LRRC7: variants seen among roughly 807,000 people sequenced by gnomAD.
LRRC7 encodes the protein leucine-rich repeat-containing protein 7.
In LRRC7, 23 loss-of-function variants were observed where a neutral mutation model predicts 175.7. The observed-to-expected ratio is 0.13, with a 90% CI of 0.09 to 0.19. The LOEUF is 0.19. LRRC7 is among the 10% of genes least tolerant of loss of function. The pLI, the probability that LRRC7 is intolerant of heterozygous loss-of-function variation, is 1.00. For missense variants in LRRC7, 1,354 were observed against 1,904.7 expected (o/e 0.71, Z 5.38); for synonymous variants, 685 against 680.9 (o/e 1.01, Z -0.09).
intron 1 of LRRC7, among the ~76,000 whole-genome samples, chr1:69,677,208 C>CTA (rs1215370150): frequency 7.1e-5 from 10 of 141,624 alleles, no homozygotes; most frequent in Non-Finnish European, 1.5e-4. Context: ...TACCCCACAT[C>CTA]TATATATATA....
At chr1:69,934,043 G>A (rs1647680734) in intron 8 of LRRC7, among the ~76,000 whole-genome samples, 1 of 152,092 alleles carries the variant, frequency 6.6e-6, no homozygotes, top group Admixed American at 6.6e-5. Flanking sequence ...ATCATAGTTT[G>A]ACTATTACTA....
intron 25 of LRRC7, among the ~76,000 whole-genome samples, chr1:70,101,718 A>G (rs535403002): frequency 3.5e-4 from 54 of 152,308 alleles, no homozygotes; most frequent in African/African-American, 1.3e-3. Flanking sequence ...TACTTCTGGA[A>G]TAATCACTTA....
At chr1:69,742,817 G>A (rs1056410047) in intron 2 of LRRC7, among the ~76,000 whole-genome samples, 1 of 151,862 alleles carries the variant, frequency 6.6e-6, no homozygotes, top group Non-Finnish European at 1.5e-5. Context: ...GAGCATAATT[G>A]TAATGTATAA....
chr1:69,813,013 A>G (rs897331220), intron 4 of LRRC7, among the ~76,000 whole-genome samples: 2 of 152,090 alleles, frequency 1.3e-5, no homozygotes, highest in African/African-American at 4.8e-5. Context: ...TTGAGTGTCA[A>G]TTGATGAATC....
chr1:69,862,880 G>A (rs1290140957), intron 7 of LRRC7, among the ~76,000 whole-genome samples: 1 of 151,558 alleles, frequency 6.6e-6, no homozygotes, highest in Non-Finnish European at 1.5e-5. Context: ...CTGTGTCCAT[G>A]TGTTCTCATT....
chr1:70,067,717 T>G (rs897713936), intron 23 of LRRC7, among the ~76,000 whole-genome samples: 2 of 152,118 alleles, frequency 1.3e-5, no homozygotes, highest in Non-Finnish European at 2.9e-5. Context: ...GAGAGGATCT[T>G]TACTTTTTAA....
intron 26 of LRRC7, among the ~76,000 whole-genome samples, chr1:70,120,383 A>AT (rs1389005064): frequency 1.3e-5 from 2 of 151,908 alleles, no homozygotes; most frequent in Admixed American, 6.6e-5. Flanking sequence ...GTCATCTAGT[A>AT]TTTTTTTACT....
chr1:69,638,305 T>C (rs953181747), intron 1 of LRRC7, among the ~76,000 whole-genome samples: 2 of 151,900 alleles, frequency 1.3e-5, no homozygotes, highest in African/African-American at 4.8e-5. Flanking sequence ...GAATACAGAC[T>C]ATTATTGTCT....
At chr1:69,850,153 G>A (rs1276765536) in intron 7 of LRRC7, among the ~76,000 whole-genome samples, 1 of 151,798 alleles carries the variant, frequency 6.6e-6, no homozygotes, top group Non-Finnish European at 1.5e-5. Context: ...AGATTTGAAT[G>A]GTAGGAATGA....
intron 7 of LRRC7, among the ~76,000 whole-genome samples, chr1:69,930,668 A>G (rs1647278007): frequency 6.6e-6 from 1 of 152,214 alleles, no homozygotes; most frequent in Non-Finnish European, 1.5e-5. Flanking sequence ...GAAGTGCTCC[A>G]GACTGGGTAA....
intron 7 of LRRC7, among the ~76,000 whole-genome samples, chr1:69,901,761 A>C (rs565213553): frequency 6.6e-6 from 1 of 152,300 alleles, no homozygotes; most frequent in South Asian, 2.1e-4. Context: ...CATGCAAAAT[A>C]CTTTTTACAC....
At chr1:69,716,326 A>G (rs530701953) in intron 2 of LRRC7, 2 of 406,242 alleles carry the variant, frequency 4.9e-6, no homozygotes, top group Non-Finnish European at 9.1e-6. Flanking sequence ...ATTTATACTT[A>G]GCAGTTTTCA....
At chr1:69,960,678 C>T (rs924621427) in intron 8 of LRRC7, among the ~76,000 whole-genome samples, 19 of 151,308 alleles carry the variant, frequency 1.3e-4, no homozygotes, top group African/African-American at 4.6e-4. Flanking sequence ...TTCTGGTATG[C>T]GAATCAATAA....
At chr1:69,944,349 T>C (rs1265062278) in intron 8 of LRRC7, among the ~76,000 whole-genome samples, 2 of 152,164 alleles carry the variant, frequency 1.3e-5, no homozygotes, top group African/African-American at 4.8e-5. Context: ...ATATATATGC[T>C]ACTCATCAGT....
chr1:69,774,769 T>C (rs1192191278), intron 3 of LRRC7, among the ~76,000 whole-genome samples: 2 of 152,136 alleles, frequency 1.3e-5, no homozygotes, highest in Admixed American at 1.3e-4. Flanking sequence ...GTAAGTATGC[T>C]GGGAAGATTA....
intron 3 of LRRC7, among the ~76,000 whole-genome samples, chr1:69,783,753 C>CAAAAAA (rs10712087): frequency 9.4e-5 from 8 of 84,702 alleles, no homozygotes; most frequent in East Asian, 5.6e-4. Flanking sequence ...CTCCCCATCT[C>CAAAAAA]AAAAAAAAAA....
At chr1:69,814,445 T>C (rs1240710570) in intron 4 of LRRC7, among the ~76,000 whole-genome samples, 1 of 152,168 alleles carries the variant, frequency 6.6e-6, no homozygotes, top group African/African-American at 2.4e-5. Context: ...TCTAGAATTT[T>C]TCAAGTACTT....
chr1:70,044,177 T>C (rs1027527988), intron 22 of LRRC7, 83 bp downstream of exon 22: 1 of 1,441,574 alleles, frequency 6.9e-7, no homozygotes, highest in Non-Finnish European at 9.5e-7. Context: ...AGGCTATACA[T>C]ACAACCCTGC....
intron 7 of LRRC7, among the ~76,000 whole-genome samples, chr1:69,878,518 A>G (rs1686254540): frequency 2.6e-5 from 4 of 152,182 alleles, no homozygotes; most frequent in Admixed American, 2.6e-4. Flanking sequence ...TGATGAGGTC[A>G]TTCAAGTCGT....
Sources: allele counts gnomAD v4.1 joint callset (sites outside exome capture counted in the v4.1 genomes callset), GRCh38; gene constraint gnomAD v4.1.1; transcripts MANE v1.5; gene names NCBI Gene and HGNC (gene_info 2026-07-23, HGNC 2026-07-21).